GNL3L: variants seen among roughly 807,000 people sequenced by gnomAD.
GNL3L encodes the protein guanine nucleotide-binding protein-like 3-like protein.
A neutral mutation model predicts 42.9 loss-of-function variants in GNL3L; 4 were observed. That is an observed-to-expected ratio of 0.09 (90% CI 0.05 to 0.21). The LOEUF (loss-of-function observed/expected upper bound fraction) is 0.21, where lower values mean the gene tolerates loss of function less well. Ranked by LOEUF, GNL3L falls within the 10% of genes least tolerant of loss-of-function variation. The pLI is 1.00. For synonymous variants in GNL3L, 159 were observed against 176.3 expected (o/e 0.90, Z 0.78); for missense variants, 412 against 481.7 (o/e 0.86, Z 1.36).
intron 14 of GNL3L, among the ~76,000 whole-genome samples, chrX:54,555,589 G>A (rs1281386424): frequency 9.4e-6 from 1 of 106,252 alleles, no homozygotes; most frequent in Non-Finnish European, 1.9e-5. Context: ...TCCTGCCTCA[G>A]CCTCCGGAGC....
At chrX:54,593,386 C>G (rs770858416) in intron 16 of GNL3L, among the ~76,000 whole-genome samples, 1 of 111,235 alleles carries the variant, frequency 9.0e-6, no homozygotes, top group Non-Finnish European at 1.9e-5. Context: ...ATAATTTCTT[C>G]TAGATTTTCC....
chrX:54,558,846 G>A (rs1925178476), intron 15 of GNL3L, among the ~76,000 whole-genome samples, 191 bp downstream of exon 15: 1 of 111,895 alleles, frequency 8.9e-6, no homozygotes, highest in Non-Finnish European at 1.9e-5. Context: ...TAGTAGAGAC[G>A]ATGTTTCGCC....
chrX:54,571,826 C>G (rs1925547448), downstream of GNL3L, among the ~76,000 whole-genome samples: 1 of 108,504 alleles, frequency 9.2e-6, no homozygotes, highest in Non-Finnish European at 1.9e-5. Flanking sequence ...AGTTTTTGGC[C>G]ATTAATTTAT....
chrX:54,585,937 T>G (rs191563901), intron 16 of GNL3L, among the ~76,000 whole-genome samples: 4 of 111,782 alleles, frequency 3.6e-5, no homozygotes, highest in Admixed American at 1.9e-4. Context: ...CATGTTGTAT[T>G]TCCATTTTTG....
At chrX:54,543,914 A>G (rs774350431) in intron 7 of GNL3L, 5 of 227,708 alleles carry the variant, frequency 2.2e-5, no homozygotes, top group Non-Finnish European at 3.9e-5. Context: ...GGGATAGGAA[A>G]CACAATATTT....
At chrX:54,636,167 AG>A in the GNL3L span, among the ~76,000 whole-genome samples, 1 of 111,913 alleles carries the variant, frequency 8.9e-6, no homozygotes. Context: ...TCAGTCTTTT[AG>A]CCCCAAGGCA....
At chrX:54,640,305 C>CATGACATAAA in the GNL3L span, among the ~76,000 whole-genome samples, 1 of 111,412 alleles carries the variant, frequency 9.0e-6, no homozygotes, top group Non-Finnish European at 1.9e-5. Flanking sequence ...GATACCCATA[C>CATGACATAAA]ATGACATAAA....
chrX:54,611,749 T>C (rs1421697851), intron 16 of GNL3L, among the ~76,000 whole-genome samples: 1 of 111,624 alleles, frequency 9.0e-6, no homozygotes, highest in African/African-American at 3.3e-5. Flanking sequence ...TTGGAGTTGA[T>C]TTCCAGTCTT....
intron 16 of GNL3L, among the ~76,000 whole-genome samples, chrX:54,618,816 G>C (rs1213131926): frequency 2.7e-5 from 3 of 111,729 alleles, no homozygotes; most frequent in Admixed American, 9.5e-5. Context: ...AGGATCTCTT[G>C]AGTCCAGGAG....
At chrX:54,603,447 A>C (rs1320381959) in intron 16 of GNL3L, among the ~76,000 whole-genome samples, 1 of 112,167 alleles carries the variant, frequency 8.9e-6, no homozygotes, top group Non-Finnish European at 1.9e-5. Flanking sequence ...ATGATAAATG[A>C]ATATTTACAT....
intron 15 of GNL3L, among the ~76,000 whole-genome samples, chrX:54,559,994 A>G (rs950841880): frequency 9.0e-6 from 1 of 110,984 alleles, no homozygotes; most frequent in Non-Finnish European, 1.9e-5. Context: ...CCCAGCAAGC[A>G]CAGTGAGGGA....
At chrX:54,639,079 T>C in the GNL3L span, among the ~76,000 whole-genome samples, 389 of 111,507 alleles carry the variant, frequency 3.5e-3, 2 homozygotes, top group African/African-American at 0.012. Flanking sequence ...ATGGGATTGC[T>C]GAGCCAATAG....
intron 7 of GNL3L, 53 bp from the exon 8 acceptor site, chrX:54,544,170 C>G: frequency 1.5e-6 from 1 of 665,342 alleles, no homozygotes; most frequent in Admixed American, 2.5e-5. Flanking sequence ...TGGAGGGAAC[C>G]ATGGAGGTGT....
chrX:54,534,107 C>T (rs1924350379), intron 2 of GNL3L, among the ~76,000 whole-genome samples: 1 of 88,835 alleles, frequency 1.1e-5, no homozygotes, highest in South Asian at 4.5e-4. Context: ...GCTTGAACTG[C>T]TGAGCTCAAA....
chrX:54,617,786 C>T (rs751272836), intron 16 of GNL3L, among the ~76,000 whole-genome samples: 1 of 111,669 alleles, frequency 9.0e-6, no homozygotes, highest in East Asian at 2.8e-4. Flanking sequence ...GGGGAATGAG[C>T]CCTCACCAGA....
chrX:54,533,222 T>C (rs1188704190), intron 2 of GNL3L, among the ~76,000 whole-genome samples: 2 of 109,949 alleles, frequency 1.8e-5, no homozygotes, highest in African/African-American at 3.3e-5. Context: ...CCATAAGTTG[T>C]ACTAGTGATT....
exon 17 of GNL3L, among the ~76,000 whole-genome samples, chrX:54,621,201 G>A (rs1344706823): frequency 3.6e-5 from 4 of 111,904 alleles, no homozygotes; most frequent in African/African-American, 9.7e-5. Context: ...TGATGGCTGT[G>A]TGACCTTTTA....
At position 54,542,878 on chromosome X, in the gene GNL3L, GT is replaced by G. The variant is rs1924665774; in HGVS notation, c.307-74del. 1.3e-5 allele frequency: 8 copies of G among 611,985 alleles called. No homozygotes were observed. In the South Asian group the frequency reaches 2.0e-4, roughly 16 times the overall value. 50.4% of individuals were successfully genotyped at this position (611,985 alleles called of 1,213,427 possible). A position where few individuals can be genotyped will look rare whatever the true frequency, so the allele number is the denominator to read the frequency against. ...CACATGATTTTTTAAGCCTCCTATA[GT>G]TTAAAAAGCCCTGCTTCTCTTTCTC... On this transcript the variant is annotated intron_variant, in intron 5 of 15. Transcript: ENST00000360845.
At chrX:54,598,610 A>G (rs1274356832) in intron 16 of GNL3L, among the ~76,000 whole-genome samples, 1 of 111,661 alleles carries the variant, frequency 9.0e-6, no homozygotes, top group Non-Finnish European at 1.9e-5. Context: ...TGATTAATAT[A>G]TTGAGGGCTA....
Sources: gnomAD v4.1 joint callset for allele counts (sites outside exome capture counted in the v4.1 genomes callset) on GRCh38, gnomAD v4.1.1 for gene constraint, MANE v1.5 for transcripts, NCBI Gene and HGNC (gene_info 2026-07-23, HGNC 2026-07-21) for gene names.